The following ABCG5 variants were observed in gnomAD, a reference collection of about 807,000 sequenced individuals.
ABCG5 encodes ATP binding cassette subfamily G member 5, also known as ATP-binding cassette sub-family G member 5.
In ABCG5, 64 loss-of-function variants were observed where a neutral mutation model predicts 64.5. The ratio of observed to expected loss-of-function variants is 0.99; its 90% CI spans 0.81 to 1.22. ABCG5 has a LOEUF of 1.22. ABCG5 is among the 50% of genes most tolerant of loss of function. The pLI is 0.00. For missense variants in ABCG5, 908 were observed against 829.5 expected (o/e 1.09, Z -1.16); for synonymous variants, 385 against 326.3 (o/e 1.18, Z -1.94).
chr2:43,821,154 G>T, intron 10 of ABCG5, among the ~76,000 whole-genome samples: 1 of 152,130 alleles, frequency 6.6e-6, no homozygotes, highest in Non-Finnish European at 1.5e-5. Context: ...ACTCTTCAAG[G>T]CCATCTACTT....
Position 43,814,571 on chromosome 2 carries a change from G to A in ABCG5, c.1668C>T (p.Pro556=), listed in dbSNP as rs1298835170. The change falls in exon 12 of 13, where the codon CCC becomes CCT. Residue 556 remains proline, a synonymous_variant. Transcript: ENST00000405322. ...AATAACTGATGATTTTAAAAGGAAT[G>A]GGCATTTCTTGTATGTTTCTTAAGA... ...SGFLRNIQEM[P]IPFKIISYFT... is the part of the protein sequence containing the mutation. 1.3e-6 allele frequency: 2 copies of A among 1,598,242 alleles called. No homozygotes were observed. Among genetic ancestry groups the A allele is most frequent in the African/African-American group, 2.7e-5 (2 of 74,532 alleles).
In ABCG5 at chr2:43,826,421, C is replaced by T; in HGVS notation, c.735G>A (p.Val245=). The change falls in exon 6 of 13, where the codon GTG becomes GTA. Residue 245 remains valine (V), a synonymous_variant. Transcript: ENST00000405322. ...AACGGGGCTGGTGAATGGTGAGAACCACAATTCGGTTCCTGCGAGCCAGTT... is the reference window on the plus strand; with the variant it reads ...AACGGGGCTGGTGAATGGTGAGAACTACAATTCGGTTCCTGCGAGCCAGTT... ...LVELARRNRI[V]VLTIHQPRSE... 6.2e-7 allele frequency: 1 copy of T among 1,614,030 alleles called. No individual in the cohort carries two copies. Among genetic ancestry groups the T allele is most frequent in the Non-Finnish European group, 8.5e-7 (1 of 1,180,026 alleles).
Position 43,838,039 on chromosome 2 carries a change from G to A in ABCG5, c.144-84C>T. ...CAGGTCCCCAGCATTGATCCTACCT[G>A]TGCCCCACCCCAGTAGTCTCCGGAC... On this transcript the variant is annotated intron_variant, in intron 1 of 12. Transcript: ENST00000405322. The surrounding 1 kb of genome is among the most constrained non-coding windows in gnomAD (Gnocchi z 4.2). The A allele has an allele frequency of 6.3e-7, 1 of 1,584,216 alleles. No individual in the cohort carries two copies. The highest frequency in any genetic ancestry group is 8.6e-7 in the Non-Finnish European group (1 of 1,157,236).
downstream of ABCG5, among the ~76,000 whole-genome samples, chr2:43,807,870 T>C (rs1666327132): frequency 6.6e-6 from 1 of 152,076 alleles, no homozygotes; most frequent in Non-Finnish European, 1.5e-5. Context: ...CAATGCATTA[T>C]TTTGAGGCCG....
chr2:43,835,959 G>C (rs115445558), intron 2 of ABCG5, among the ~76,000 whole-genome samples: 10,477 of 150,700 alleles, frequency 0.07, 435 homozygotes, highest in African/African-American at 0.081. Context: ...TTTTTTTTAA[G>C]ATGGAGTCTC....
At chr2:43,822,996 T>C in intron 9 of ABCG5, 61 bp from the exon 10 acceptor site, 3 of 1,596,922 alleles carry the variant, frequency 1.9e-6, no homozygotes, top group Non-Finnish European at 2.6e-6. Context: ...AAGGGAGGGC[T>C]AGCCCAAGCT....
At chr2:43,814,124 T>C (rs1666667216) in intron 12 of ABCG5, among the ~76,000 whole-genome samples, 1 of 152,166 alleles carries the variant, frequency 6.6e-6, no homozygotes, top group South Asian at 2.1e-4. Context: ...CTATGTACGA[T>C]GTACATTTTG....
rs763739820 is a variant in ABCG5 at position 43,838,668 on chromosome 2, G to A, written c.12C>T (p.Leu4=). The A allele has an allele frequency of 1.2e-6, 2 of 1,613,552 alleles. No individual in the cohort carries two copies. The highest frequency in any genetic ancestry group is 1.3e-5 in the African/African-American group (1 of 74,898). MGD[L]SSLTPGGSMG... ...TGGACCCTCCGGGGGTCAAAGATGA[G>A]AGGTCACCCATGGCCAACAGGCAGC... Residue 4 remains leucine (L), a synonymous_variant, in exon 1 of 13, where the codon CTC becomes CTT. Transcript: ENST00000405322. This position sits in a 1 kb window ranked among gnomAD's most constrained non-coding sequence, Gnocchi z 4.2.
At chr2:43,816,599 A>G (rs1455379216) in intron 11 of ABCG5, among the ~76,000 whole-genome samples, 1 of 152,282 alleles carries the variant, frequency 6.6e-6, no homozygotes, top group South Asian at 2.1e-4. Context: ...GCTGGAGTGC[A>G]GTGGCATGAT....
chr2:43,826,312 C>A, intron 6 of ABCG5, 70 bp downstream of exon 6: 1 of 1,609,008 alleles, frequency 6.2e-7, no homozygotes, highest in Non-Finnish European at 8.5e-7. Flanking sequence ...TGGTACAAAT[C>A]TTGCCCCTGC....
chr2:43,809,042 GCAGTGGCGCAATCA>G (rs1666382476), downstream of ABCG5, among the ~76,000 whole-genome samples: 1 of 151,888 alleles, frequency 6.6e-6, no homozygotes, highest in African/African-American at 2.4e-5. Context: ...AGGCTGGAGT[GCAGTGGCGCAATCA>G]CAGTTTACTG....
intron 5 of ABCG5, 34 bp from the exon 6 acceptor site, chr2:43,826,555 G>T: frequency 6.2e-7 from 1 of 1,614,054 alleles, no homozygotes; most frequent in Non-Finnish European, 8.5e-7. Context: ...TTCTAAGGTA[G>T]TGCAGAGCCC....
rs769429015 is a variant in ABCG5, at chr2:43,813,181, TA to T, written c.1890del (p.Phe630LeufsTer8). ...FTMNFLILYS[F>X]IPALVILGIV... ...ATTCCTAGGATGACAAGAGCTGGAA[TA>T]AATGAATACAAAATCAGAAAGTTCA... On this transcript the variant is annotated frameshift_variant, in exon 13 of 13. Coordinates refer to ENST00000405322, the MANE Select transcript of ABCG5 (RefSeq NM_022436.3). LOFTEE classifies it high-confidence loss of function. 2.6e-5 allele frequency: 41 copies of T among 1,558,182 alleles called. No individual in the cohort carries two copies. The highest frequency in any genetic ancestry group is 3.4e-5 in the Non-Finnish European group (38 of 1,129,350).
At position 43,819,929 on chromosome 2, in the gene ABCG5, TC is replaced by T; in HGVS notation, c.1634del (p.Gly545AspfsTer32). 2 of 1,614,134 alleles carry T rather than the reference TC, an allele frequency of 1.2e-6. No homozygotes were observed. The highest frequency in any genetic ancestry group is 1.7e-6 in the Non-Finnish European group (2 of 1,180,024). On this transcript the variant is annotated frameshift_variant, in exon 11 of 13. Coordinates refer to ENST00000405322, the MANE Select transcript of ABCG5 (RefSeq NM_022436.3). LOFTEE classifies it high-confidence loss of function. Reference protein sequence around the residue: ...ALLSIAGVLVGSGFLRNIQEM... With the variant: ...ALLSIAGVLVXSGFLRNIQEM... Reference sequence around the variant, plus strand: ...TGATATCTTACCTGAGGAATCCAGATCCAACAAGCACCCCCGCAATGGACAG... The same window carrying T: ...TGATATCTTACCTGAGGAATCCAGATCAACAAGCACCCCCGCAATGGACAG...
At chr2:43,811,895 G>A (rs1190195428), downstream of ABCG5, among the ~76,000 whole-genome samples, 1 of 152,076 alleles carries the variant, frequency 6.6e-6, no homozygotes, top group Admixed American at 6.5e-5. Context: ...CGCCTGGCCA[G>A]AACCCATTTT....
intron 10 of ABCG5, among the ~76,000 whole-genome samples, chr2:43,821,226 C>A (rs1214297904): frequency 6.6e-6 from 1 of 152,136 alleles, no homozygotes; most frequent in Non-Finnish European, 1.5e-5. Flanking sequence ...TTGTTGTCTT[C>A]TGTGATGTTT....
In ABCG5 at chr2:43,823,968, A is replaced by T. The variant is rs1410707327; in HGVS notation, c.1269T>A (p.Leu423=). ...KGAIQDRVGL[L]YQFVGATPYT... ...ACGGGGTGGCGCCCACAAACTGGTAAAGGAGACCTACGCGGTCCTGGATAG... is the reference window on the plus strand; with the variant it reads ...ACGGGGTGGCGCCCACAAACTGGTATAGGAGACCTACGCGGTCCTGGATAG... Residue 423 remains leucine (L), a synonymous_variant, in exon 9 of 13, where the codon CTT becomes CTA. Transcript: ENST00000405322. The T allele has an allele frequency of 6.2e-7, 1 of 1,614,204 alleles. No individual in the cohort carries two copies. The highest frequency in any genetic ancestry group is 1.1e-5 in the South Asian group (1 of 91,078).
the ABCG5 span, among the ~76,000 whole-genome samples, chr2:43,806,913 C>A: frequency 1.3e-5 from 2 of 151,964 alleles, no homozygotes; most frequent in South Asian, 2.1e-4. Context: ...TTTAACCTAC[C>A]TGAAAAGTTA....
At position 43,822,923 on chromosome 2, in the gene ABCG5, C is replaced by T. The variant is rs536081800; in HGVS notation, c.1337G>A (p.Arg446Gln). The stretch of plus-strand genomic sequence containing the variant: ...CTGACTCTCCTGGTCGCTGACAGCT[C>T]GCAGCACGGGAACTGGGGATGGAAG... ...LNAVNLFPVL[R>Q]AVSDQESQDG... The change falls in exon 10 of 13, where the codon CGA becomes CAA. Residue 446 changes from arginine to glutamine, a missense_variant. Arg to Gln is a conservative substitution (Grantham distance 43). Transcript: ENST00000405322. The T allele has an allele frequency of 1.8e-5, 29 of 1,613,956 alleles. No homozygotes were observed. In the East Asian group the frequency reaches 4.0e-4, roughly 22 times the overall value.
Sources: allele counts gnomAD v4.1 joint callset (sites outside exome capture counted in the v4.1 genomes callset), GRCh38; gene constraint gnomAD v4.1.1; non-coding constraint Gnocchi (gnomAD v3.1); transcripts MANE v1.5; gene names NCBI Gene and HGNC (gene_info 2026-07-23, HGNC 2026-07-21).